The following PRKN variants were observed in gnomAD, a reference collection of about 807,000 sequenced individuals.
PRKN encodes parkin RBR E3 ubiquitin protein ligase.
Under a neutral mutation model 59.5 loss-of-function variants are expected in PRKN, and 56 were observed. The observed-to-expected ratio is 0.94, with a 90% confidence interval of 0.76 to 1.18. The LOEUF is 1.18. Among genes scored for constraint, PRKN ranks in the 50% most tolerant of loss-of-function variants. PRKN has a pLI of 0.00. For missense variants in PRKN, 657 were observed against 596.4 expected, an observed-to-expected ratio of 1.10 and a Z score of -1.06; for synonymous variants, 250 against 222.1, an observed-to-expected ratio of 1.13 and a Z score of -1.12.
intron 1 of PRKN, among the ~76,000 whole-genome samples, chr6:162,610,689 A>T (rs1473526493): frequency 1.3e-5 from 2 of 152,086 alleles, no homozygotes; most frequent in Non-Finnish European, 2.9e-5. Context: ...AATAATAGTA[A>T]ATTTTCAAAA....
At chr6:161,389,225 T>G (rs1158419734) in intron 9 of PRKN, among the ~76,000 whole-genome samples, 2 of 152,232 alleles carry the variant, frequency 1.3e-5, no homozygotes, top group Non-Finnish European at 1.5e-5. Context: ...CTTCACCATG[T>G]GAACAGAGTT....
intron 2 of PRKN, among the ~76,000 whole-genome samples, chr6:162,348,250 T>A (rs1490893644): frequency 6.6e-6 from 1 of 152,130 alleles, no homozygotes; most frequent in Non-Finnish European, 1.5e-5. Flanking sequence ...CAACAGTAAG[T>A]CCTAGACTGA....
chr6:162,544,637 C>T (rs1023493777), intron 1 of PRKN, among the ~76,000 whole-genome samples: 2 of 149,882 alleles, frequency 1.3e-5, no homozygotes, highest in Non-Finnish European at 3.0e-5. Context: ...TATGCGATCT[C>T]ACATTTATTT....
At chr6:161,381,710 T>A (rs1214921670) in intron 10 of PRKN, among the ~76,000 whole-genome samples, 1 of 152,124 alleles carries the variant, frequency 6.6e-6, no homozygotes, top group Non-Finnish European at 1.5e-5. Context: ...GGTGTGTGGA[T>A]GAAGGAGGGA....
chr6:162,361,473 AAG>A (rs959830190), intron 2 of PRKN, among the ~76,000 whole-genome samples: 1 of 152,142 alleles, frequency 6.6e-6, no homozygotes, highest in African/African-American at 2.4e-5. Flanking sequence ...GCAGGCCAGG[AAG>A]AGAGGCCTCA....
chr6:161,794,111 A>T (rs572769273), intron 6 of PRKN, among the ~76,000 whole-genome samples: 26 of 152,106 alleles, frequency 1.7e-4, no homozygotes, highest in African/African-American at 5.5e-4. Flanking sequence ...TCTACCTGGA[A>T]TTTTTTTATT....
chr6:161,532,720 G>C (rs1181290989), intron 9 of PRKN, among the ~76,000 whole-genome samples: 1 of 152,156 alleles, frequency 6.6e-6, no homozygotes, highest in African/African-American at 2.4e-5. Flanking sequence ...GAATGTCATG[G>C]TCAGAAGGTC....
chr6:162,550,745 A>G (rs983537861), intron 1 of PRKN, among the ~76,000 whole-genome samples: 1 of 152,200 alleles, frequency 6.6e-6, no homozygotes, highest in African/African-American at 2.4e-5. Flanking sequence ...ACCATATTTA[A>G]GTTCTTACAA....
chr6:161,923,652 T>C (rs1193248519), intron 6 of PRKN, among the ~76,000 whole-genome samples: 2 of 152,240 alleles, frequency 1.3e-5, no homozygotes, highest in African/African-American at 2.4e-5. Context: ...ACTATATGTA[T>C]AACTGTATTG....
chr6:161,892,907 A>G lies in PRKN; in HGVS notation c.734+80395T>C, dbSNP rs545627404. ...ACCCAGGCTGGAGTGCAGTGGTGCA[A>G]TCTTGCCTCACTGCAACCTCTGCCA... On this transcript the variant is annotated intron_variant, in intron 6 of 11. Transcript: ENST00000366898. Among the ~76,000 whole-genome samples, 9 of 152,316 alleles carry G rather than the reference A, an allele frequency of 5.9e-5. No homozygotes were observed. In the South Asian group the frequency reaches 1.7e-3, roughly 28 times the overall value.
chr6:161,535,512 C>T (rs1779379856), intron 9 of PRKN, among the ~76,000 whole-genome samples: 1 of 152,228 alleles, frequency 6.6e-6, no homozygotes, highest in South Asian at 2.1e-4. Context: ...CATTTGTCCG[C>T]TCATCATCCA....
chr6:161,610,130 GAATT>G (rs1782433854), intron 7 of PRKN, among the ~76,000 whole-genome samples: 1 of 152,100 alleles, frequency 6.6e-6, no homozygotes, highest in African/African-American at 2.4e-5. Context: ...AACTCAAACT[GAATT>G]ATTTCATCAA....
chr6:162,406,036 C>A (rs1209839126), intron 2 of PRKN, among the ~76,000 whole-genome samples: 1 of 152,274 alleles, frequency 6.6e-6, no homozygotes, highest in East Asian at 1.9e-4. Flanking sequence ...TTAGAACCAG[C>A]TTTACACAAG....
chr6:162,167,524 T>C (rs995146916), intron 4 of PRKN, among the ~76,000 whole-genome samples: 3 of 151,856 alleles, frequency 2.0e-5, no homozygotes, highest in Non-Finnish European at 2.9e-5. Flanking sequence ...CTGACTATTA[T>C]AGAGAAAAGT....
intron 6 of PRKN, among the ~76,000 whole-genome samples, chr6:161,844,691 G>A (rs1235751865): frequency 6.6e-6 from 1 of 152,220 alleles, no homozygotes; most frequent in African/African-American, 2.4e-5. Flanking sequence ...ACCTTTCCCC[G>A]ATTCTTGTTC....
chr6:162,198,810 TACG>T (rs1221551184), intron 4 of PRKN, among the ~76,000 whole-genome samples: 2 of 152,058 alleles, frequency 1.3e-5, no homozygotes, highest in Non-Finnish European at 2.9e-5. Context: ...TCCTGAGGAT[TACG>T]ACATGTCAGG....
intron 3 of PRKN, among the ~76,000 whole-genome samples, chr6:162,209,364 C>G (rs1785093260): frequency 6.6e-6 from 1 of 152,176 alleles, no homozygotes; most frequent in African/African-American, 2.4e-5. Context: ...TGCTCATCGT[C>G]ACTGGTCATC....
At chr6:162,051,564 G>C (rs1777645333) in intron 5 of PRKN, among the ~76,000 whole-genome samples, 1 of 152,170 alleles carries the variant, frequency 6.6e-6, no homozygotes, top group African/African-American at 2.4e-5. Flanking sequence ...TTGTGAGAAA[G>C]GCTTCGGTCA....
At chr6:161,367,044 G>A (rs1785234387) in intron 10 of PRKN, among the ~76,000 whole-genome samples, 1 of 125,230 alleles carries the variant, frequency 8.0e-6, no homozygotes, top group South Asian at 2.5e-4. Context: ...AGGCTGGACT[G>A]CAGTGGCGTG....
Sources: allele counts gnomAD v4.1 joint callset (sites outside exome capture counted in the v4.1 genomes callset), GRCh38; gene constraint gnomAD v4.1.1; transcripts MANE v1.5; gene names NCBI Gene and HGNC (gene_info 2026-07-23, HGNC 2026-07-21).